Variants in HEATR5A observed in about 807,000 individuals in gnomAD.
HEATR5A encodes HEAT repeat containing 5A.
In HEATR5A, 178 loss-of-function variants were observed where a neutral mutation model predicts 218.8. The ratio of observed to expected loss-of-function variants is 0.81; its 90% CI spans 0.72 to 0.92. The LOEUF (loss-of-function observed/expected upper bound fraction) is 0.92, where lower values mean the gene tolerates loss of function less well. Ranked by LOEUF, HEATR5A falls within the 40% of genes least tolerant of loss-of-function variation. The probability of loss-of-function intolerance (pLI) is 0.00; values close to 1 mark genes in which losing one functional copy is unlikely to be tolerated. For synonymous variants in HEATR5A, 864 were observed against 871.6 expected (o/e 0.99, Z 0.15); for missense variants, 2,420 against 2,418.9 (o/e 1.00, Z -0.01).
At chr14:31,372,975 G>A (rs11847409) in intron 12 of HEATR5A, among the ~76,000 whole-genome samples, 3,346 of 128,652 alleles carry the variant, frequency 0.026, 118 homozygotes, top group African/African-American at 0.092. Context: ...GAATCTCACT[G>A]TTACCCAGGC....
At chr14:31,372,186 A>G (rs1902060459) in intron 12 of HEATR5A, among the ~76,000 whole-genome samples, 1 of 150,358 alleles carries the variant, frequency 6.7e-6, no homozygotes, top group Non-Finnish European at 1.5e-5. Flanking sequence ...TCAGCCCTCA[A>G]GCTTAGAAGC....
In HEATR5A at chr14:31,304,940, A is replaced by C; in HGVS notation, c.5204T>G (p.Ile1735Ser). 3 of 1,614,018 alleles carry C rather than the reference A, an allele frequency of 1.9e-6. No individual in the cohort carries two copies. The highest frequency in any genetic ancestry group is 2.5e-6 in the Non-Finnish European group (3 of 1,179,888). The change falls in exon 32 of 36, where the codon ATC becomes AGC. Residue 1735 changes from isoleucine to serine, a missense_variant. Coordinates refer to ENST00000543095, the MANE Select transcript of HEATR5A (RefSeq NM_015473.4). ...GSRLVSAALV[I>S]LSELPAVCSP... ...GCACACTGCAGGAAGTTCGGAAAGG[A>C]TAACCAATGCAGCTGAAACCAATCT...
At chr14:31,334,478 A>T (rs1421354833) in intron 22 of HEATR5A, 1 of 455,312 alleles carries the variant, frequency 2.2e-6, no homozygotes, top group Non-Finnish European at 4.4e-6. Flanking sequence ...ACAACAAAGG[A>T]TTCAGAATAT....
At chr14:31,348,525 G>A (rs941512857) in intron 18 of HEATR5A, among the ~76,000 whole-genome samples, 3 of 152,220 alleles carry the variant, frequency 2.0e-5, no homozygotes, top group African/African-American at 7.2e-5. Context: ...CGAGGCTGCA[G>A]TGAGCCACAA....
At chr14:31,339,077 G>A (rs940264213) in intron 21 of HEATR5A, among the ~76,000 whole-genome samples, 1 of 150,700 alleles carries the variant, frequency 6.6e-6, no homozygotes, top group Non-Finnish European at 1.5e-5. Flanking sequence ...CCGAGATCAC[G>A]CCTCTGCACT....
chr14:31,361,960 T>C (rs1007000437), intron 14 of HEATR5A, among the ~76,000 whole-genome samples: 1 of 151,612 alleles, frequency 6.6e-6, no homozygotes, highest in African/African-American at 2.4e-5. Flanking sequence ...ATTTATTTAT[T>C]TATTTATTTA....
intron 27 of HEATR5A, among the ~76,000 whole-genome samples, chr14:31,314,498 C>T (rs1329663827): frequency 6.6e-6 from 1 of 152,046 alleles, no homozygotes; most frequent in Non-Finnish European, 1.5e-5. Context: ...CTCAGATGAT[C>T]CGCCCACCTT....
chr14:31,330,559 T>C (rs1900429508), intron 22 of HEATR5A, among the ~76,000 whole-genome samples: 1 of 151,900 alleles, frequency 6.6e-6, no homozygotes, highest in Non-Finnish European at 1.5e-5. Flanking sequence ...GAGGCCGAGG[T>C]GGGTGGATCA....
chr14:31,385,871 G>A (rs755692109), intron 9 of HEATR5A, among the ~76,000 whole-genome samples: 28 of 152,036 alleles, frequency 1.8e-4, no homozygotes, highest in Non-Finnish European at 3.8e-4. Context: ...GGGAATACAG[G>A]CATGCGCCAC....
chr14:31,394,024 G>A (rs1265817783), intron 6 of HEATR5A, 28 bp downstream of exon 6: 2 of 1,406,906 alleles, frequency 1.4e-6, no homozygotes, highest in Non-Finnish European at 1.9e-6. Context: ...TTACAGAAGA[G>A]ACTTTGAAAA....
chr14:31,326,324 A>G lies in HEATR5A; in HGVS notation c.3386T>C (p.Val1129Ala). The G allele has an allele frequency of 2.5e-6, 4 of 1,612,380 alleles. No individual in the cohort carries two copies. The highest frequency in any genetic ancestry group is 3.4e-6 in the Non-Finnish European group (4 of 1,179,246). The stretch of plus-strand genomic sequence containing the variant: ...GATCAACAATGCCCCCTCAAGGCCA[A>G]CTTCTCTGATGTTAGCATCTGACAA... ...ELTPDANIRE[V>A]GLEGALLILL... Residue 1129 changes from valine to alanine, a missense_variant, in exon 23 of 36, where the codon GTT becomes GCT. Val to Ala is a moderately conservative substitution (Grantham distance 64). Transcript: ENST00000543095.
intron 6 of HEATR5A, 25 bp from the exon 7 acceptor site, chr14:31,389,030 T>A: frequency 6.4e-7 from 1 of 1,564,984 alleles, no homozygotes; most frequent in East Asian, 2.3e-5. Flanking sequence ...AAAACTGTGA[T>A]TCATATTTTA....
chr14:31,378,070 C>A (rs190010112), intron 11 of HEATR5A, among the ~76,000 whole-genome samples: 1 of 152,174 alleles, frequency 6.6e-6, no homozygotes, highest in East Asian at 1.9e-4. Context: ...AACTTCAATA[C>A]GGCAGGCATG....
In HEATR5A at chr14:31,323,553, T is replaced by C; in HGVS notation, c.3787+12A>G. ...ACATATCATTTGGTGTTTTCATCAC[T>C]ATGTCACTTACTTCTTGAATCTCTT... On this transcript the variant is annotated intron_variant, in intron 24 of 35. Coordinates refer to ENST00000543095, the MANE Select transcript of HEATR5A (RefSeq NM_015473.4). The C allele has an allele frequency of 6.3e-7, 1 of 1,575,988 alleles. No homozygotes were observed. The highest frequency in any genetic ancestry group is 8.6e-7 in the Non-Finnish European group (1 of 1,158,504).
At chr14:31,386,630 A>C (rs2030234226) in intron 8 of HEATR5A, 55 bp from the exon 9 acceptor site, 1 of 1,480,028 alleles carries the variant, frequency 6.8e-7, no homozygotes, top group South Asian at 1.4e-5. Context: ...AATATATTGA[A>C]AAGGGTGTGA....
intron 6 of HEATR5A, 34 bp from the exon 7 acceptor site, chr14:31,389,039 TACAG>T (rs1462794660): frequency 1.3e-6 from 2 of 1,527,926 alleles, no homozygotes; most frequent in African/African-American, 2.7e-5. Flanking sequence ...ATTCATATTT[TACAG>T]ACTAAATTTT....
chr14:31,395,930 A>T (rs1344733609), intron 4 of HEATR5A, among the ~76,000 whole-genome samples: 1 of 152,230 alleles, frequency 6.6e-6, no homozygotes, highest in Non-Finnish European at 1.5e-5. Flanking sequence ...CCTGGGTTTG[A>T]ACTTCTCTGT....
At chr14:31,314,686 C>G (rs1899860763) in intron 27 of HEATR5A, among the ~76,000 whole-genome samples, 1 of 152,130 alleles carries the variant, frequency 6.6e-6, no homozygotes, top group Non-Finnish European at 1.5e-5. Context: ...CAAGCATGAG[C>G]CACTGCACCT....
rs563129244 is a variant in HEATR5A at position 31,407,692 on chromosome 14, G to A, written c.-74-4643C>T. Among the ~76,000 whole-genome samples the A allele has an allele frequency of 2.9e-3, 323 of 112,994 alleles. 2 individuals carry two copies. Among genetic ancestry groups the A allele is most frequent in the African/African-American group, 9.9e-3 (301 of 30,434 alleles). 74.1% of individuals were successfully genotyped at this position (112,994 alleles called of 152,430 possible). A position where few individuals can be genotyped will look rare whatever the true frequency, so the allele number is the denominator to read the frequency against. On this transcript the variant is annotated intron_variant, in intron 1 of 35. Transcript: ENST00000543095. ...TGTCCAGGCTGGAGTGCAATGGTGC[G>A]ATCTCGGCTCACTGCAACCTCCACC...
Sources: gnomAD v4.1 joint callset for allele counts (sites outside exome capture counted in the v4.1 genomes callset) on GRCh38, gnomAD v4.1.1 for gene constraint, MANE v1.5 for transcripts, NCBI Gene and HGNC (gene_info 2026-07-23, HGNC 2026-07-21) for gene names.